Variants in RASSF8 observed in about 807,000 individuals in gnomAD.
RASSF8 encodes the protein Ras association domain family member 8, also known as ras association domain-containing protein 8.
RASSF8 carries 22 observed loss-of-function variants against 48.5 expected under a neutral mutation model. That is an observed-to-expected ratio of 0.45 (90% confidence interval 0.32 to 0.65). The LOEUF (loss-of-function observed/expected upper bound fraction) is 0.65. RASSF8 is among the 30% of genes least tolerant of loss of function. The probability of loss-of-function intolerance (pLI) is 0.03; values close to 1 mark genes in which losing one functional copy is unlikely to be tolerated. For synonymous variants in RASSF8, 127 were observed against 171.5 expected (o/e 0.74, Z 2.03); for missense variants, 418 against 489.2 (o/e 0.85, Z 1.37).
At chr12:25,970,303 G>A (rs1191081977) in intron 1 of RASSF8, among the ~76,000 whole-genome samples, 1 of 152,112 alleles carries the variant, frequency 6.6e-6, no homozygotes, top group Non-Finnish European at 1.5e-5. Context: ...CCTGCCCACT[G>A]AACTATGTGT....
At chr12:26,039,541 A>G (rs1943221051) in intron 2 of RASSF8, among the ~76,000 whole-genome samples, 1 of 152,160 alleles carries the variant, frequency 6.6e-6, no homozygotes, top group Admixed American at 6.6e-5. Context: ...TAAGTTATCT[A>G]AGACTTATCA....
chr12:26,025,455 G>A (rs1213002514), intron 2 of RASSF8, among the ~76,000 whole-genome samples: 3 of 151,790 alleles, frequency 2.0e-5, no homozygotes, highest in African/African-American at 4.8e-5. Flanking sequence ...TACTCGGGAC[G>A]GCAGGCTGAG....
chr12:25,968,146 C>A (rs1241248406), intron 1 of RASSF8, among the ~76,000 whole-genome samples: 2 of 152,178 alleles, frequency 1.3e-5, no homozygotes, highest in African/African-American at 2.4e-5. Flanking sequence ...TGCCAACTCA[C>A]TCCCCAGCCA....
intron 2 of RASSF8, among the ~76,000 whole-genome samples, chr12:26,048,009 A>G (rs1393676058): frequency 6.6e-6 from 1 of 152,252 alleles, no homozygotes; most frequent in Non-Finnish European, 1.5e-5. Context: ...AAGCGGCTAG[A>G]AAGCAGGAAG....
downstream of RASSF8, among the ~76,000 whole-genome samples, chr12:26,076,118 G>T (rs995337120): frequency 2.6e-5 from 4 of 151,970 alleles, no homozygotes; most frequent in Non-Finnish European, 4.4e-5. Flanking sequence ...TATTTGGGGG[G>T]CATCTATGAT....
chr12:26,029,779 A>G (rs1305759626), intron 2 of RASSF8, among the ~76,000 whole-genome samples: 1 of 152,180 alleles, frequency 6.6e-6, no homozygotes, highest in Non-Finnish European at 1.5e-5. Context: ...CCACTGGTTA[A>G]AGGAAAAAAA....
chr12:26,058,996 A>G (rs915472189), intron 3 of RASSF8, among the ~76,000 whole-genome samples: 4 of 152,202 alleles, frequency 2.6e-5, no homozygotes, highest in African/African-American at 4.8e-5. Context: ...AACATTCCCA[A>G]TTTAAATGTT....
At chr12:26,036,662 C>T (rs1282532058) in intron 2 of RASSF8, among the ~76,000 whole-genome samples, 2 of 152,012 alleles carry the variant, frequency 1.3e-5, no homozygotes, top group Non-Finnish European at 2.9e-5. Flanking sequence ...AATCCCAACA[C>T]TTTGGGAGGC....
rs114123670 is a variant in RASSF8 at position 26,079,144 on chromosome 12, T to C, written c.*71T>C. 305 of 1,080,436 alleles carry C rather than the reference T, an allele frequency of 2.8e-4. No homozygotes were observed. In the African/African-American group the frequency reaches 4.5e-3, roughly 16 times the overall value. The allele number at this position is 1,080,436 out of a possible 1,614,324, so 66.9% of individuals were successfully genotyped here. A position where few individuals can be genotyped will look rare whatever the true frequency, so the allele number is the denominator to read the frequency against. ...GGGACTACATTAAACCCAAAACTCCTGCACAACAAAGGAAACGATCACCAA... is the reference window on the plus strand; with the variant it reads ...GGGACTACATTAAACCCAAAACTCCCGCACAACAAAGGAAACGATCACCAA... On this transcript the variant is annotated 3_prime_UTR_variant, in exon 6 of 6. Transcript: ENST00000381352.
At chr12:25,963,554 C>T (rs1221966022) in intron 1 of RASSF8, among the ~76,000 whole-genome samples, 1 of 152,178 alleles carries the variant, frequency 6.6e-6, no homozygotes, top group Non-Finnish European at 1.5e-5. Flanking sequence ...ATCATTTCCT[C>T]ACACCCTTAG....
chr12:26,043,806 G>T (rs1943316410), intron 2 of RASSF8, among the ~76,000 whole-genome samples: 1 of 152,070 alleles, frequency 6.6e-6, no homozygotes, highest in African/African-American at 2.4e-5. Flanking sequence ...ATAATGTAAC[G>T]CCAAAGAAAC....
chr12:25,993,388 C>A (rs151292784), intron 1 of RASSF8, among the ~76,000 whole-genome samples: 6 of 152,166 alleles, frequency 3.9e-5, no homozygotes, highest in African/African-American at 9.6e-5. Flanking sequence ...TATCTACTTC[C>A]CACTCTTAAA....
At chr12:26,073,754 C>CTCT (rs1565653835), downstream of RASSF8, among the ~76,000 whole-genome samples, 7 of 112,684 alleles carry the variant, frequency 6.2e-5, no homozygotes, top group Admixed American at 2.0e-4. Flanking sequence ...TCTATACACA[C>CTCT]ACACACACAC....
chr12:25,970,683 C>T (rs1036997091), intron 1 of RASSF8, among the ~76,000 whole-genome samples: 4 of 152,170 alleles, frequency 2.6e-5, no homozygotes, highest in South Asian at 4.2e-4. Flanking sequence ...CACAGGACCT[C>T]GGACATCTGG....
At chr12:26,045,493 A>C (rs1943353752) in intron 2 of RASSF8, among the ~76,000 whole-genome samples, 1 of 152,164 alleles carries the variant, frequency 6.6e-6, no homozygotes, top group Admixed American at 6.5e-5. Context: ...TTTGTCTTTG[A>C]AGTATTTCCA....
Position 26,015,378 on chromosome 12 carries a change from G to A in RASSF8, c.-109+20248G>A, listed in dbSNP as rs117735124. ...AAAAAACTGACAGTAATCAATTATCGTTCCTGCCTGCTGCTTAGCGTTTAC... is the reference window on the plus strand; with the variant it reads ...AAAAAACTGACAGTAATCAATTATCATTCCTGCCTGCTGCTTAGCGTTTAC... On this transcript the variant is annotated intron_variant, in intron 2 of 5. Coordinates refer to ENST00000689635, the MANE Select transcript of RASSF8 (RefSeq NM_001394098.1). Among the ~76,000 whole-genome samples the A allele has an allele frequency of 2.3e-3, 343 of 152,204 alleles. 6 individuals are homozygous for A. In the East Asian group the frequency reaches 0.054, roughly 24 times the overall value.
intron 1 of RASSF8, among the ~76,000 whole-genome samples, chr12:25,986,606 C>T (rs548112729): frequency 7.9e-5 from 12 of 152,296 alleles, no homozygotes; most frequent in African/African-American, 2.6e-4. Flanking sequence ...CAGCTTACTT[C>T]TTCTTAGAGC....
intron 2 of RASSF8, among the ~76,000 whole-genome samples, chr12:26,024,611 T>C (rs976274935): frequency 4.6e-5 from 7 of 152,178 alleles, no homozygotes; most frequent in Non-Finnish European, 1.0e-4. Context: ...GACTGTACAC[T>C]GTAACCAAGT....
chr12:26,021,850 G>A (rs574348234), intron 2 of RASSF8, among the ~76,000 whole-genome samples: 1 of 152,262 alleles, frequency 6.6e-6, no homozygotes, highest in South Asian at 2.1e-4. Flanking sequence ...CAAAGGAATT[G>A]ATTTTATTTG....
Sources: allele counts gnomAD v4.1 joint callset (sites outside exome capture counted in the v4.1 genomes callset), GRCh38; gene constraint gnomAD v4.1.1; transcripts MANE v1.5; gene names NCBI Gene and HGNC (gene_info 2026-07-23, HGNC 2026-07-21).